Variants in TMEM196 observed in about 807,000 individuals in gnomAD.
TMEM196 encodes the protein transmembrane protein 196.
TMEM196 carries 17 observed loss-of-function variants against 20.0 expected under a neutral mutation model. That is an observed-to-expected ratio of 0.85 (90% CI 0.58 to 1.27). The LOEUF (loss-of-function observed/expected upper bound fraction) is 1.27. Among genes scored for constraint, TMEM196 ranks in the 50% most tolerant of loss-of-function variants. TMEM196 has a pLI of 0.00. For synonymous variants in TMEM196, 113 were observed against 88.9 expected, an observed-to-expected ratio of 1.27 and a Z score of -1.52; for missense variants, 267 against 223.0, an observed-to-expected ratio of 1.20 and a Z score of -1.26.
intron 1 of TMEM196, among the ~76,000 whole-genome samples, chr7:19,767,912 A>G (rs1785703361): frequency 6.6e-6 from 1 of 152,054 alleles, no homozygotes. Context: ...TAAAAATAAT[A>G]CTTTGGAGCA....
At chr7:19,747,061 C>T (rs998066869) in intron 1 of TMEM196, among the ~76,000 whole-genome samples, 1 of 151,708 alleles carries the variant, frequency 6.6e-6, no homozygotes, top group Non-Finnish European at 1.5e-5. Context: ...CGAGACCATC[C>T]CGGCTAAAAC....
Position 19,751,398 on chromosome 7 carries a change from G to A in TMEM196, c.147+21152C>T, listed in dbSNP as rs62454512. Among the ~76,000 whole-genome samples, 750 of 152,314 alleles carry A rather than the reference G, an allele frequency of 4.9e-3. 3 individuals carry two copies. The highest frequency in any genetic ancestry group is 8.8e-3 in the Non-Finnish European group (599 of 68,006). On this transcript the variant is annotated intron_variant, in intron 1 of 4. Transcript: ENST00000405844. ...TGCTCTTTAGAACCAAGGCTTAAAA[G>A]AAACCAATGGAGTATGACACAATGG...
chr7:19,735,437 G>T (rs1784363090), intron 1 of TMEM196, among the ~76,000 whole-genome samples: 1 of 152,080 alleles, frequency 6.6e-6, no homozygotes, highest in Non-Finnish European at 1.5e-5. Flanking sequence ...CTGCTAGTTT[G>T]TCTCTCTTCT....
intron 4 of TMEM196, among the ~76,000 whole-genome samples, chr7:19,724,065 G>A (rs1235018536): frequency 6.6e-6 from 1 of 152,074 alleles, no homozygotes; most frequent in African/African-American, 2.4e-5. Flanking sequence ...GGCGGGCTGA[G>A]TATTTTACAT....
rs908605699 is a variant in TMEM196 at position 19,773,531 on chromosome 7, C to G, written c.-835G>C. The stretch of plus-strand genomic sequence containing the variant: ...GGCTGGCCTTTGATCCGCCCCGCCC[C>G]CGGACCGCAGCAACAGAAATCCAGG... On this transcript the variant is annotated 5_prime_UTR_variant, in exon 1 of 5. Coordinates refer to ENST00000405844, the MANE Select transcript of TMEM196 (RefSeq NM_001363562.2). 2.9e-5 allele frequency: 5 copies of G among 169,618 alleles called. No homozygotes were observed. Among genetic ancestry groups the G allele is most frequent in the African/African-American group, 1.2e-4 (5 of 41,518 alleles). 10.5% of individuals were successfully genotyped at this position (169,618 alleles called of 1,614,324 possible).
intron 1 of TMEM196, among the ~76,000 whole-genome samples, chr7:19,739,892 G>C (rs771956214): frequency 1.3e-5 from 2 of 152,066 alleles, no homozygotes; most frequent in African/African-American, 2.4e-5. Flanking sequence ...ATCATACAAT[G>C]CTTATAGATA....
At chr7:19,748,214 G>GT (rs1419991669) in intron 1 of TMEM196, among the ~76,000 whole-genome samples, 1 of 115,854 alleles carries the variant, frequency 8.6e-6, no homozygotes, top group Non-Finnish European at 1.6e-5. Flanking sequence ...CAATATAAAG[G>GT]TTTCCTTCAT....
intron 2 of TMEM196, 108 bp downstream of exon 2, chr7:19,729,274 T>A: frequency 3.3e-5 from 22 of 667,264 alleles, no homozygotes; most frequent in South Asian, 5.7e-5. Flanking sequence ...TTTTTTTGCC[T>A]CAAACTAGCA....
At chr7:19,770,096 A>C (rs1785806968) in intron 1 of TMEM196, among the ~76,000 whole-genome samples, 1 of 152,192 alleles carries the variant, frequency 6.6e-6, no homozygotes, top group Admixed American at 6.5e-5. Context: ...CAGTACATTG[A>C]TTCTAAGTCC....
intron 1 of TMEM196, among the ~76,000 whole-genome samples, chr7:19,762,923 C>A (rs1365878277): frequency 6.6e-6 from 1 of 152,178 alleles, no homozygotes; most frequent in Non-Finnish European, 1.5e-5. Flanking sequence ...GTTATGGAAA[C>A]AAACATAGCT....
At chr7:19,765,147 G>T (rs1480794527) in intron 1 of TMEM196, among the ~76,000 whole-genome samples, 2 of 152,034 alleles carry the variant, frequency 1.3e-5, no homozygotes, top group African/African-American at 4.8e-5. Flanking sequence ...GGAAGCATCT[G>T]GACATTAGTT....
intron 1 of TMEM196, among the ~76,000 whole-genome samples, chr7:19,732,126 G>T (rs552462410): frequency 6.6e-6 from 1 of 152,182 alleles, no homozygotes. Flanking sequence ...TACTGGAAGA[G>T]ATCTTAAAAG....
At chr7:19,733,444 G>A (rs1409385747) in intron 1 of TMEM196, among the ~76,000 whole-genome samples, 2 of 152,178 alleles carry the variant, frequency 1.3e-5, no homozygotes, top group African/African-American at 4.8e-5. Flanking sequence ...CTGACACTAT[G>A]TCACCTGTTG....
chr7:19,745,433 G>T (rs966126127), intron 1 of TMEM196, among the ~76,000 whole-genome samples: 20 of 151,940 alleles, frequency 1.3e-4, no homozygotes, highest in African/African-American at 4.6e-4. Context: ...GGGAGGGAAG[G>T]GTTGATAATG....
intron 1 of TMEM196, among the ~76,000 whole-genome samples, chr7:19,766,469 T>G (rs1056339437): frequency 6.6e-6 from 1 of 151,756 alleles, no homozygotes; most frequent in Non-Finnish European, 1.5e-5. Flanking sequence ...ACCTAGTTAT[T>G]TAGGTACAGG....
chr7:19,760,776 T>A (rs1188834516), intron 1 of TMEM196, among the ~76,000 whole-genome samples: 2 of 152,190 alleles, frequency 1.3e-5, no homozygotes, highest in Non-Finnish European at 2.9e-5. Context: ...GTTATTTTAT[T>A]TACTGCTAGA....
intron 1 of TMEM196, among the ~76,000 whole-genome samples, chr7:19,759,232 T>C (rs991188838): frequency 2.0e-5 from 3 of 152,212 alleles, no homozygotes; most frequent in Non-Finnish European, 4.4e-5. Context: ...TTACTTCAGC[T>C]ACTCTTGCAA....
chr7:19,768,782 C>T (rs1368510601), intron 1 of TMEM196, among the ~76,000 whole-genome samples: 6 of 152,050 alleles, frequency 3.9e-5, no homozygotes, highest in East Asian at 1.9e-4. Flanking sequence ...CTTCTAATTG[C>T]CCATATTTAA....
intron 1 of TMEM196, among the ~76,000 whole-genome samples, chr7:19,766,083 G>C (rs982898437): frequency 8.5e-5 from 13 of 152,130 alleles, no homozygotes; most frequent in African/African-American, 2.9e-4. Flanking sequence ...AGATTCACAA[G>C]AACTCCATGA....
Sources: gnomAD v4.1 joint callset for allele counts (sites outside exome capture counted in the v4.1 genomes callset) on GRCh38, gnomAD v4.1.1 for gene constraint, MANE v1.5 for transcripts, NCBI Gene and HGNC (gene_info 2026-07-23, HGNC 2026-07-21) for gene names.